Variants in KIAA1549L observed in about 807,000 individuals in gnomAD.
The protein encoded by KIAA1549L is KIAA1549 like.
Under a neutral mutation model 160.7 loss-of-function variants are expected in KIAA1549L, and 88 were observed. The observed-to-expected ratio is 0.55, with a 90% CI of 0.46 to 0.65. KIAA1549L has a LOEUF of 0.65. Ranked by LOEUF, KIAA1549L falls within the 30% of genes least tolerant of loss-of-function variation. The pLI is 0.00. For missense variants in KIAA1549L, 2,258 were observed against 2,437.5 expected (o/e 0.93, Z 1.55); for synonymous variants, 950 against 976.7 (o/e 0.97, Z 0.51).
chr11:33,405,839 C>CAAAAAAAAAAAAAAA (rs35479859), intron 1 of KIAA1549L, among the ~76,000 whole-genome samples: 2 of 68,878 alleles, frequency 2.9e-5, no homozygotes, highest in African/African-American at 1.1e-4. Context: ...CAGTCTGTCT[C>CAAAAAAAAAAAAAAA]AAAAAAAAAA....
Position 33,671,095 on chromosome 11 carries a change from A to G in KIAA1549L, c.*2941A>G, listed in dbSNP as rs1852661642. ...AGATACAGTGTATAGAGGATGATGCATTTGTGGCATAATAAATAGTTTTCA... is the reference window on the plus strand; with the variant it reads ...AGATACAGTGTATAGAGGATGATGCGTTTGTGGCATAATAAATAGTTTTCA... On this transcript the variant is annotated 3_prime_UTR_variant, in exon 21 of 21. Coordinates refer to ENST00000658780, the MANE Select transcript of KIAA1549L (RefSeq NM_012194.3). The G allele has an allele frequency of 6.6e-6, 1 of 152,254 alleles. No individual in the cohort carries two copies. Among genetic ancestry groups the G allele is most frequent in the South Asian group, 2.1e-4 (1 of 4,834 alleles). The allele number at this position is 152,254 out of a possible 1,614,324, so 9.4% of individuals were successfully genotyped here. A position where few individuals can be genotyped will look rare whatever the true frequency, so the allele number is the denominator to read the frequency against.
intron 1 of KIAA1549L, among the ~76,000 whole-genome samples, chr11:33,449,894 C>T (rs1851685659): frequency 6.6e-6 from 1 of 152,176 alleles, no homozygotes; most frequent in South Asian, 2.1e-4. Context: ...ATTTTTAACT[C>T]CCGGACTCAG....
intron 1 of KIAA1549L, among the ~76,000 whole-genome samples, chr11:33,392,416 G>A (rs181643061): frequency 3.9e-5 from 6 of 152,040 alleles, no homozygotes; most frequent in African/African-American, 9.6e-5. Context: ...AAATACTTTC[G>A]CATACATGTC....
intron 11 of KIAA1549L, among the ~76,000 whole-genome samples, chr11:33,587,600 TTG>T (rs1253513244): frequency 2.6e-5 from 4 of 152,254 alleles, no homozygotes; most frequent in Non-Finnish European, 5.9e-5. Flanking sequence ...ACAGGGATTG[TTG>T]TGATTAACAA....
At chr11:33,412,786 G>T (rs565443805) in intron 1 of KIAA1549L, among the ~76,000 whole-genome samples, 1 of 152,132 alleles carries the variant, frequency 6.6e-6, no homozygotes, top group Non-Finnish European at 1.5e-5. Flanking sequence ...TTATGTAAAC[G>T]GATTAAATAT....
At chr11:33,587,735 C>T (rs1289753729) in intron 11 of KIAA1549L, among the ~76,000 whole-genome samples, 1 of 152,154 alleles carries the variant, frequency 6.6e-6, no homozygotes, top group Non-Finnish European at 1.5e-5. Flanking sequence ...AACTTTAACC[C>T]TGTGTGAAAG....
At chr11:33,420,569 T>G (rs1346523501) in intron 1 of KIAA1549L, among the ~76,000 whole-genome samples, 2 of 152,046 alleles carry the variant, frequency 1.3e-5, no homozygotes, top group Non-Finnish European at 2.9e-5. Context: ...CTGAAGAAGT[T>G]GTATGGATTT....
At chr11:33,463,851 G>A (rs1471544280) in intron 1 of KIAA1549L, among the ~76,000 whole-genome samples, 1 of 152,168 alleles carries the variant, frequency 6.6e-6, no homozygotes, top group East Asian at 1.9e-4. Flanking sequence ...TTTTTAAAAA[G>A]TTGTTTTCCA....
intron 1 of KIAA1549L, among the ~76,000 whole-genome samples, chr11:33,443,308 C>G (rs1049007973): frequency 6.6e-6 from 1 of 151,838 alleles, no homozygotes; most frequent in Non-Finnish European, 1.5e-5. Context: ...CCCATTTGCT[C>G]TTCTTTTTAG....
chr11:33,629,641 G>C (rs889462708), intron 16 of KIAA1549L, among the ~76,000 whole-genome samples: 10 of 151,390 alleles, frequency 6.6e-5, no homozygotes, highest in African/African-American at 2.4e-4. Flanking sequence ...AGCTCCATCA[G>C]CTCCTTTAAG....
chr11:33,541,267 G>C (rs1044262065), intron 1 of KIAA1549L, among the ~76,000 whole-genome samples: 1 of 152,140 alleles, frequency 6.6e-6, no homozygotes, highest in Non-Finnish European at 1.5e-5. Flanking sequence ...ATTTGACATG[G>C]CATGAATGAT....
chr11:33,392,360 T>C (rs1850287514), intron 1 of KIAA1549L, among the ~76,000 whole-genome samples: 2 of 152,234 alleles, frequency 1.3e-5, no homozygotes, highest in Admixed American at 1.3e-4. Context: ...CATCTTATTT[T>C]TGATGTATTC....
At chr11:33,661,517 A>C (rs182290113) in intron 20 of KIAA1549L, among the ~76,000 whole-genome samples, 1 of 152,298 alleles carries the variant, frequency 6.6e-6, no homozygotes. Context: ...AGCTTTTATT[A>C]AATTCGTTTC....
chr11:33,444,812 G>A (rs1851578494), intron 1 of KIAA1549L, among the ~76,000 whole-genome samples: 3 of 152,200 alleles, frequency 2.0e-5, no homozygotes, highest in South Asian at 4.1e-4. Flanking sequence ...GGATGAAGAC[G>A]GGTGGCCCCC....
At position 33,552,199 on chromosome 11, in the gene KIAA1549L, C is replaced by T. The variant is rs764603586; in HGVS notation, c.3813C>T (p.Ala1271=). Residue 1271 remains alanine (A), a synonymous_variant, in exon 6 of 21, where the codon GCC becomes GCT. Coordinates refer to ENST00000658780, the MANE Select transcript of KIAA1549L (RefSeq NM_012194.3). ...EQRLQKAFQD[A]ERKVLNTKSN... The stretch of plus-strand genomic sequence containing the variant: ...GGCTGCAGAAGGCATTCCAGGATGC[C>T]GAGAGGAAAGTCCTGAATACCAAAA... 2.4e-5 allele frequency: 38 copies of T among 1,608,416 alleles called. No homozygotes were observed. The highest frequency in any genetic ancestry group is 1.1e-4 in the African/African-American group (8 of 74,814).
In KIAA1549L at chr11:33,645,840, T is replaced by C; in HGVS notation, c.5564T>C (p.Leu1855Pro). 1 of 1,613,892 alleles carries C rather than the reference T, an allele frequency of 6.2e-7. No homozygotes were observed. Among genetic ancestry groups the C allele is most frequent in the Non-Finnish European group, 8.5e-7 (1 of 1,179,886 alleles). The change falls in exon 17 of 21, where the codon CTG (leucine) becomes CCG (proline). Residue 1855 changes from leucine (L) to proline (P), a missense_variant. By Grantham distance (98) the Leu-to-Pro change is moderately conservative. Coordinates refer to ENST00000658780, the MANE Select transcript of KIAA1549L (RefSeq NM_012194.3). The part of the protein sequence containing the change: ...DEVRQQMHML[L>P]EEAFSLASAG... ...GTCAGGCAGCAGATGCACATGCTGC[T>C]GGAGGAGGCCTTCAGCCTGGCATCC...
At chr11:33,533,391 T>G (rs1383304055) in intron 1 of KIAA1549L, among the ~76,000 whole-genome samples, 1 of 152,262 alleles carries the variant, frequency 6.6e-6, no homozygotes, top group African/African-American at 2.4e-5. Context: ...TAACAGGTTC[T>G]GTGTGTCCAA....
intron 16 of KIAA1549L, among the ~76,000 whole-genome samples, chr11:33,628,953 C>G (rs1590414027): frequency 2.6e-5 from 4 of 151,566 alleles, no homozygotes; most frequent in Non-Finnish European, 5.9e-5. Context: ...TTAGCGCTTC[C>G]TTCAGGAGCT....
intron 11 of KIAA1549L, among the ~76,000 whole-genome samples, chr11:33,590,879 C>T (rs1302366331): frequency 4.6e-5 from 7 of 152,166 alleles, no homozygotes. Flanking sequence ...GGAGGTGATC[C>T]ACAGGACCTG....
Sources: gnomAD v4.1 joint callset for allele counts (sites outside exome capture counted in the v4.1 genomes callset) on GRCh38, gnomAD v4.1.1 for gene constraint, MANE v1.5 for transcripts, NCBI Gene and HGNC (gene_info 2026-07-23, HGNC 2026-07-21) for gene names.